The following NRXN3 variants were observed in gnomAD, a reference collection of about 807,000 sequenced individuals.
NRXN3 encodes neurexin III.
In NRXN3, 32 loss-of-function variants were observed where a neutral mutation model predicts 137.6. That is an observed-to-expected ratio of 0.23 (90% confidence interval 0.18 to 0.31). NRXN3 has a LOEUF of 0.31. Ranked by LOEUF, NRXN3 falls within the 10% of genes least tolerant of loss-of-function variation. NRXN3 has a pLI of 1.00. For missense variants in NRXN3, 1,574 were observed against 2,062.5 expected, an observed-to-expected ratio of 0.76 and a Z score of 4.59; for synonymous variants, 798 against 784.5, an observed-to-expected ratio of 1.02 and a Z score of -0.29.
chr14:78,322,260 C>A (rs932607540), intron 4 of NRXN3, among the ~76,000 whole-genome samples: 3 of 151,896 alleles, frequency 2.0e-5, no homozygotes, highest in African/African-American at 7.3e-5. Flanking sequence ...TTGGGAAAGC[C>A]ACAGATGTTA....
intron 4 of NRXN3, among the ~76,000 whole-genome samples, chr14:78,364,878 G>A (rs1457543476): frequency 6.6e-6 from 1 of 152,046 alleles, no homozygotes; most frequent in African/African-American, 2.4e-5. Flanking sequence ...CACATTCCAC[G>A]GTGAAAACAC....
At chr14:79,701,600 C>A (rs1011361821) in intron 19 of NRXN3, among the ~76,000 whole-genome samples, 11 of 152,038 alleles carry the variant, frequency 7.2e-5, no homozygotes, top group African/African-American at 2.7e-4. Context: ...AGAGAGAGTA[C>A]TTCCAGGGGC....
At chr14:78,194,332 G>A in intron 1 of NRXN3, among the ~76,000 whole-genome samples, 1 of 152,192 alleles carries the variant, frequency 6.6e-6, no homozygotes, top group East Asian at 1.9e-4. Flanking sequence ...GAGAAGGTCA[G>A]GGCAGTAAGC....
chr14:78,561,967 A>C (rs1253088926), intron 4 of NRXN3, among the ~76,000 whole-genome samples: 11 of 152,218 alleles, frequency 7.2e-5, no homozygotes, highest in African/African-American at 2.4e-4. Flanking sequence ...AAGTCACAAT[A>C]ATATTTCCCA....
intron 4 of NRXN3, among the ~76,000 whole-genome samples, chr14:78,409,042 C>T (rs1271713704): frequency 6.6e-6 from 1 of 152,180 alleles, no homozygotes; most frequent in Non-Finnish European, 1.5e-5. Context: ...AACATAAATG[C>T]ATGAATCTCT....
intron 15 of NRXN3, among the ~76,000 whole-genome samples, chr14:79,362,957 G>C (rs1437537496): frequency 6.6e-6 from 1 of 152,018 alleles, no homozygotes; most frequent in African/African-American, 2.4e-5. Context: ...GCAGATGCAT[G>C]TGATAGATAG....
chr14:79,121,136 A>C (rs1223375480), intron 15 of NRXN3, among the ~76,000 whole-genome samples: 2 of 152,226 alleles, frequency 1.3e-5, no homozygotes, highest in Middle Eastern at 3.2e-3. Flanking sequence ...TTGCTATAGC[A>C]AATAATGCTT....
At chr14:78,707,888 T>C (rs1594984589) in intron 6 of NRXN3, among the ~76,000 whole-genome samples, 1 of 152,246 alleles carries the variant, frequency 6.6e-6, no homozygotes, top group Non-Finnish European at 1.5e-5. Context: ...ATTAATTCAT[T>C]CCTTTTTATG....
At chr14:78,593,875 A>T (rs1431182994) in intron 4 of NRXN3, among the ~76,000 whole-genome samples, 2 of 151,796 alleles carry the variant, frequency 1.3e-5, no homozygotes, top group East Asian at 3.9e-4. Flanking sequence ...TGCTGCCCCC[A>T]CCCCAATGGA....
At chr14:78,310,421 C>G (rs1026092056) in intron 4 of NRXN3, among the ~76,000 whole-genome samples, 1 of 151,954 alleles carries the variant, frequency 6.6e-6, no homozygotes, top group African/African-American at 2.4e-5. Context: ...GCTGTCTGTT[C>G]AGTATGAAGT....
At chr14:79,749,446 T>C (rs1568104350) in intron 19 of NRXN3, among the ~76,000 whole-genome samples, 1 of 151,802 alleles carries the variant, frequency 6.6e-6, no homozygotes, top group African/African-American at 2.4e-5. Flanking sequence ...GTTTTTTTTT[T>C]TGTAGTGACA....
intron 8 of NRXN3, among the ~76,000 whole-genome samples, chr14:78,720,759 A>C (rs891366579): frequency 1.3e-5 from 2 of 152,230 alleles, no homozygotes; most frequent in Non-Finnish European, 2.9e-5. Context: ...CTTCTTTAGA[A>C]TATTAAAGTT....
chr14:78,737,622 A>AG (rs996335315), intron 8 of NRXN3, among the ~76,000 whole-genome samples: 124 of 152,062 alleles, frequency 8.2e-4, no homozygotes, highest in African/African-American at 2.8e-3. Context: ...ATGGCAAAAA[A>AG]GGGGGGGAGG....
intron 15 of NRXN3, among the ~76,000 whole-genome samples, chr14:79,406,500 C>A (rs1353012138): frequency 6.6e-6 from 1 of 151,858 alleles, no homozygotes; most frequent in African/African-American, 2.4e-5. Flanking sequence ...GATGGGGTTT[C>A]ACCATGTTGC....
chr14:79,490,038 C>CAAAAA (rs370581169), intron 16 of NRXN3, among the ~76,000 whole-genome samples: 729 of 72,722 alleles, frequency 0.01, 24 homozygotes, highest in African/African-American at 0.034. Flanking sequence ...TACTCCATCT[C>CAAAAA]AAAAAAAAAA....
intron 1 of NRXN3, among the ~76,000 whole-genome samples, chr14:78,236,737 C>G (rs867523495): frequency 5.5e-5 from 8 of 145,466 alleles, no homozygotes; most frequent in Non-Finnish European, 7.6e-5. Context: ...ATTCCCCCCC[C>G]CCTTTTTTTT....
At chr14:78,704,933 ATATAAG>A (rs1433151841) in intron 6 of NRXN3, among the ~76,000 whole-genome samples, 1 of 152,198 alleles carries the variant, frequency 6.6e-6, no homozygotes, top group African/African-American at 2.4e-5. Flanking sequence ...TCATGGAGGA[ATATAAG>A]TATATTTTTT....
At chr14:78,706,443 T>C (rs1443213381) in intron 6 of NRXN3, among the ~76,000 whole-genome samples, 4 of 152,204 alleles carry the variant, frequency 2.6e-5, no homozygotes, top group Non-Finnish European at 4.4e-5. Flanking sequence ...CATGCATGAC[T>C]TTCCATGTAA....
chr14:79,120,858 T>C (rs2055292167), intron 15 of NRXN3, among the ~76,000 whole-genome samples: 1 of 152,170 alleles, frequency 6.6e-6, no homozygotes, highest in South Asian at 2.1e-4. Context: ...TTGCTTACTC[T>C]TTACAAGTAG....
Sources: gnomAD v4.1 joint callset for allele counts (sites outside exome capture counted in the v4.1 genomes callset) on GRCh38, gnomAD v4.1.1 for gene constraint, MANE v1.5 for transcripts, NCBI Gene and HGNC (gene_info 2026-07-23, HGNC 2026-07-21) for gene names.